The following UBR1 variants were observed in gnomAD, a reference collection of about 807,000 sequenced individuals.
UBR1 encodes E3 ubiquitin-protein ligase UBR1.
Under a neutral mutation model 242.1 loss-of-function variants are expected in UBR1, and 102 were observed. The observed-to-expected ratio is 0.42, with a 90% CI of 0.36 to 0.50. The LOEUF (loss-of-function observed/expected upper bound fraction) is 0.50. Ranked by LOEUF, UBR1 falls within the 20% of genes least tolerant of loss-of-function variation. The pLI is 0.01. For missense variants in UBR1, 1,772 were observed against 2,101.8 expected (o/e 0.84, Z 3.07); for synonymous variants, 675 against 684.8 (o/e 0.99, Z 0.22).
intron 27 of UBR1, among the ~76,000 whole-genome samples, chr15:43,019,955 C>G (rs1333313014): frequency 6.6e-6 from 1 of 151,808 alleles, no homozygotes; most frequent in Non-Finnish European, 1.5e-5. Context: ...TTCCTGGCCT[C>G]TCTCTCCCCT....
Position 43,059,789 on chromosome 15 carries a change from C to T in UBR1, c.898G>A (p.Val300Ile). ...ATAATCTCTGAGTGTAATACTTCTA[C>T]ATGAAGTGGATGTTGAGAGACATTT... ...SENVSQHPLH[V>I]EVLHSEIMAH... Residue 300 changes from valine to isoleucine, a missense_variant, in exon 8 of 47, where the codon GTA (valine) becomes ATA (isoleucine). By Grantham distance (29) the Val-to-Ile change is conservative. Coordinates refer to ENST00000290650, the MANE Select transcript of UBR1 (RefSeq NM_174916.3). 1 of 1,613,904 alleles carries T rather than the reference C, an allele frequency of 6.2e-7. No individual in the cohort carries two copies. The highest frequency in any genetic ancestry group is 1.3e-5 in the African/African-American group (1 of 75,024).
chr15:43,012,226 C>CAAA (rs1454205296), intron 29 of UBR1, among the ~76,000 whole-genome samples: 1 of 82,442 alleles, frequency 1.2e-5, no homozygotes, highest in East Asian at 3.7e-4. Context: ...GATTCCGTCT[C>CAAA]AAAAAAAAAA....
chr15:43,050,568 C>T (rs1005585453), intron 12 of UBR1, among the ~76,000 whole-genome samples: 1 of 151,714 alleles, frequency 6.6e-6, no homozygotes, highest in Non-Finnish European at 1.5e-5. Context: ...CACTAAATTA[C>T]AATAAATTAG....
At chr15:43,017,053 G>GATGA in intron 28 of UBR1, 42 bp downstream of exon 28, 2 of 1,504,782 alleles carry the variant, frequency 1.3e-6, no homozygotes, top group South Asian at 2.3e-5. Context: ...CAAAGACAGA[G>GATGA]ATGAATGTCA....
At chr15:43,042,487 G>A (rs2033432423) in intron 15 of UBR1, among the ~76,000 whole-genome samples, 1 of 152,128 alleles carries the variant, frequency 6.6e-6, no homozygotes, top group Non-Finnish European at 1.5e-5. Flanking sequence ...CAAATTCATA[G>A]ACACAGAGTG....
intron 12 of UBR1, among the ~76,000 whole-genome samples, chr15:43,048,915 C>T (rs2033518715): frequency 6.6e-6 from 1 of 152,192 alleles, no homozygotes; most frequent in Admixed American, 6.5e-5. Context: ...TAACCCAGAA[C>T]TTGGAAGAAG....
intron 29 of UBR1, among the ~76,000 whole-genome samples, chr15:43,014,958 T>C (rs1382816467): frequency 2.3e-5 from 3 of 132,388 alleles, no homozygotes; most frequent in East Asian, 2.6e-4. Flanking sequence ...CCAGCTGCCC[T>C]GTCAGGGAGG....
At chr15:43,054,702 G>A in intron 12 of UBR1, 40 bp downstream of exon 12, 1 of 1,610,222 alleles carries the variant, frequency 6.2e-7, no homozygotes, top group Non-Finnish European at 8.5e-7. Flanking sequence ...AGCACACTGA[G>A]TTTAACAGGT....
chr15:43,094,045 T>C (rs1340099643), intron 1 of UBR1, among the ~76,000 whole-genome samples: 1 of 152,140 alleles, frequency 6.6e-6, no homozygotes, highest in Non-Finnish European at 1.5e-5. Context: ...CTCTCCAACT[T>C]GATTACCCTT....
chr15:43,031,298 TA>T (rs1436947838), intron 20 of UBR1, among the ~76,000 whole-genome samples: 2 of 151,228 alleles, frequency 1.3e-5, no homozygotes, highest in Non-Finnish European at 3.0e-5. Context: ...ACAATAATAG[TA>T]AAATAACAGT....
intron 9 of UBR1, 44 bp from the exon 10 acceptor site, chr15:43,058,473 C>A: frequency 6.8e-7 from 1 of 1,480,622 alleles, no homozygotes; most frequent in Non-Finnish European, 9.4e-7. Context: ...GGAGAATCAC[C>A]AAGGCAAAAA....
At chr15:43,023,298 A>T (rs2033134267) in intron 25 of UBR1, among the ~76,000 whole-genome samples, 1 of 152,162 alleles carries the variant, frequency 6.6e-6, no homozygotes, top group Non-Finnish European at 1.5e-5. Flanking sequence ...CATATGAAAA[A>T]TGTTCAACCT....
At chr15:42,971,994 T>TA (rs1219086023) in intron 39 of UBR1, among the ~76,000 whole-genome samples, 3 of 152,182 alleles carry the variant, frequency 2.0e-5, no homozygotes, top group African/African-American at 4.8e-5. Flanking sequence ...ACGCTTGTTA[T>TA]AATCAATGAG....
In UBR1 at chr15:42,986,846, G is replaced by A. The variant is rs568927649; in HGVS notation, c.3998-1904C>T. Among the ~76,000 whole-genome samples, 11 of 152,316 alleles carry A rather than the reference G, an allele frequency of 7.2e-5. No individual in the cohort carries two copies. The East Asian group carries it at 1.9e-3, about 27-fold the overall frequency. On this transcript the variant is annotated intron_variant, in intron 35 of 46. Transcript: ENST00000290650. ...ACCCGGGGACCATGGGCCAGCAAAG[G>A]GTCCCGGCCAGAGGGCACCAACCCC... is the stretch of plus-strand genomic sequence containing the variant.
At chr15:43,003,788 CT>C in intron 31 of UBR1, 48 bp downstream of exon 31, 1 of 1,582,570 alleles carries the variant, frequency 6.3e-7, no homozygotes, top group Non-Finnish European at 8.7e-7. Flanking sequence ...CTTGAGTGAA[CT>C]TCAATGTTCC....
chr15:43,069,183 T>A (rs1180998906), intron 5 of UBR1, among the ~76,000 whole-genome samples: 2 of 152,198 alleles, frequency 1.3e-5, no homozygotes, highest in Non-Finnish European at 2.9e-5. Context: ...CAGTGCTTTT[T>A]CATCTCCAAA....
At chr15:43,084,965 A>G (rs897500994) in intron 2 of UBR1, among the ~76,000 whole-genome samples, 4 of 152,236 alleles carry the variant, frequency 2.6e-5, no homozygotes, top group African/African-American at 7.2e-5. Context: ...GGTAAGGAGT[A>G]AAAACATTCT....
intron 41 of UBR1, 26 bp from the exon 42 acceptor site, chr15:42,964,069 A>G (rs2032066293): frequency 1.4e-6 from 2 of 1,476,298 alleles, no homozygotes; most frequent in Admixed American, 1.7e-5. Flanking sequence ...AATACATTTA[A>G]TAAGCACATT....
intron 40 of UBR1, among the ~76,000 whole-genome samples, chr15:42,969,349 T>C (rs529936133): frequency 1.1e-4 from 16 of 152,362 alleles, no homozygotes; most frequent in African/African-American, 3.6e-4. Flanking sequence ...CTTCGCCCAC[T>C]TTCTGATAGA....
Sources: gnomAD v4.1 joint callset for allele counts (sites outside exome capture counted in the v4.1 genomes callset) on GRCh38, gnomAD v4.1.1 for gene constraint, MANE v1.5 for transcripts, NCBI Gene and HGNC (gene_info 2026-07-23, HGNC 2026-07-21) for gene names.